The following PLCH1 variants were observed in gnomAD, a reference collection of about 807,000 sequenced individuals.
The protein encoded by PLCH1 is phospholipase C eta 1.
Under a neutral mutation model 126.7 loss-of-function variants are expected in PLCH1, and 60 were observed. The observed-to-expected ratio is 0.47, with a 90% CI of 0.38 to 0.59. The LOEUF (loss-of-function observed/expected upper bound fraction) is 0.59, where lower values mean the gene tolerates loss of function less well. Ranked by LOEUF, PLCH1 falls within the 20% of genes least tolerant of loss-of-function variation. The pLI is 0.00. For synonymous variants in PLCH1, 719 were observed against 734.9 expected (o/e 0.98, Z 0.35); for missense variants, 1,723 against 2,040.0 (o/e 0.84, Z 2.99).
At chr3:155,660,764 C>T (rs1052076273) in intron 2 of PLCH1, among the ~76,000 whole-genome samples, 1 of 151,788 alleles carries the variant, frequency 6.6e-6, no homozygotes, top group Non-Finnish European at 1.5e-5. Context: ...ATCAACATGC[C>T]CCTTTTTTAA....
At chr3:155,504,263 T>C (rs545377012) in intron 13 of PLCH1, among the ~76,000 whole-genome samples, 1 of 152,338 alleles carries the variant, frequency 6.6e-6, no homozygotes, top group Admixed American at 6.5e-5. Flanking sequence ...TAATAACACA[T>C]ACCCATTATG....
At chr3:155,688,267 C>A (rs1486205972) in intron 2 of PLCH1, among the ~76,000 whole-genome samples, 1 of 152,180 alleles carries the variant, frequency 6.6e-6, no homozygotes, top group Non-Finnish European at 1.5e-5. Flanking sequence ...TTTTATGTCA[C>A]AATATTCCAA....
chr3:155,533,605 C>T (rs1722971788), intron 10 of PLCH1, among the ~76,000 whole-genome samples: 1 of 152,174 alleles, frequency 6.6e-6, no homozygotes, highest in South Asian at 2.1e-4. Flanking sequence ...AAGCTAGCTG[C>T]AGAAATTTGC....
At chr3:155,618,801 A>G (rs558252624) in intron 2 of PLCH1, among the ~76,000 whole-genome samples, 1 of 152,220 alleles carries the variant, frequency 6.6e-6, no homozygotes, top group African/African-American at 2.4e-5. Flanking sequence ...GAAGTGCTGA[A>G]CAATTGCTTT....
intron 2 of PLCH1, among the ~76,000 whole-genome samples, chr3:155,637,244 G>A (rs763086562): frequency 6.6e-6 from 1 of 152,132 alleles, no homozygotes; most frequent in Admixed American, 6.6e-5. Context: ...AACTGACTAG[G>A]ATAAATTAAT....
chr3:155,491,640 C>T (rs1332332137), intron 18 of PLCH1, among the ~76,000 whole-genome samples: 1 of 152,078 alleles, frequency 6.6e-6, no homozygotes, highest in East Asian at 1.9e-4. Flanking sequence ...GTTGAGCAAG[C>T]CAGACATAAA....
intron 2 of PLCH1, among the ~76,000 whole-genome samples, chr3:155,613,181 C>A (rs78123680): frequency 0.028 from 4,315 of 152,116 alleles, 201 homozygotes; most frequent in African/African-American, 0.099. Flanking sequence ...AAAAAAATGT[C>A]CAGGACCAGA....
intron 21 of PLCH1, among the ~76,000 whole-genome samples, chr3:155,459,686 T>C (rs962053840): frequency 5.9e-5 from 9 of 151,984 alleles, no homozygotes; most frequent in African/African-American, 1.4e-4. Context: ...GAACCCACAG[T>C]TGGTTGTCCT....
At chr3:155,682,138 A>C (rs1218691538) in intron 2 of PLCH1, among the ~76,000 whole-genome samples, 2 of 152,232 alleles carry the variant, frequency 1.3e-5, no homozygotes, top group Non-Finnish European at 2.9e-5. Flanking sequence ...CTATGGGACA[A>C]ACTGGAAATA....
chr3:155,454,712 T>G (rs1463182472), intron 21 of PLCH1, among the ~76,000 whole-genome samples: 1 of 152,204 alleles, frequency 6.6e-6, no homozygotes, highest in Non-Finnish European at 1.5e-5. Flanking sequence ...TGTCTCAGTC[T>G]TTTTGGTTTC....
At chr3:155,493,799 T>A (rs1278302055) in intron 17 of PLCH1, among the ~76,000 whole-genome samples, 1 of 152,204 alleles carries the variant, frequency 6.6e-6, no homozygotes, top group African/African-American at 2.4e-5. Flanking sequence ...AGACTCACAT[T>A]ACTTAAGATA....
chr3:155,613,503 C>G (rs1387666144), intron 2 of PLCH1, among the ~76,000 whole-genome samples: 1 of 152,144 alleles, frequency 6.6e-6, no homozygotes, highest in East Asian at 1.9e-4. Flanking sequence ...TTAACACACA[C>G]AAGTCAATAA....
intron 2 of PLCH1, among the ~76,000 whole-genome samples, chr3:155,672,407 G>C (rs939024767): frequency 6.6e-5 from 10 of 152,078 alleles, no homozygotes; most frequent in African/African-American, 1.9e-4. Flanking sequence ...CAACATTACA[G>C]GTATCACCTT....
rs1457087426 is a variant in PLCH1 at position 155,494,204 on chromosome 3, G to A, written c.2119C>T (p.Arg707Ter). The A allele has an allele frequency of 6.2e-7, 1 of 1,614,128 alleles. No individual in the cohort carries two copies. The highest frequency in any genetic ancestry group is 8.5e-7 in the Non-Finnish European group (1 of 1,180,004). Residue 707 changes from arginine (R) to a stop codon, truncating the protein, a stop_gained, in exon 17 of 23, where the codon CGA becomes TGA. Transcript: ENST00000460012. LOFTEE classifies it high-confidence loss of function. ...QSEGRMMQLN[R>*]AKFKANGNCG... ...TTGCCATTTGCCTTGAATTTGGCTCGGTTTAACTGCATCATTCGTCCTTCA... is the reference window on the plus strand; with the variant it reads ...TTGCCATTTGCCTTGAATTTGGCTCAGTTTAACTGCATCATTCGTCCTTCA...
intron 2 of PLCH1, among the ~76,000 whole-genome samples, chr3:155,607,118 G>A (rs547026343): frequency 6.6e-6 from 1 of 152,208 alleles, no homozygotes; most frequent in African/African-American, 2.4e-5. Flanking sequence ...TTTGATCTAA[G>A]AGTTGCCCTC....
At chr3:155,600,997 C>T (rs1045586148) in intron 2 of PLCH1, among the ~76,000 whole-genome samples, 5 of 152,186 alleles carry the variant, frequency 3.3e-5, no homozygotes, top group Middle Eastern at 6.8e-3. Flanking sequence ...TTTTTTTAGA[C>T]GGAGTCTCGC....
At chr3:155,689,616 T>TC (rs1745216153) in intron 2 of PLCH1, among the ~76,000 whole-genome samples, 1 of 151,988 alleles carries the variant, frequency 6.6e-6, no homozygotes, top group African/African-American at 2.4e-5. Context: ...GCAGAAATTC[T>TC]AGAGTTGAAA....
rs1714029099 is a variant in PLCH1, at chr3:155,481,431, T to C, written c.4595A>G (p.Asp1532Gly). 1 of 1,614,104 alleles carries C rather than the reference T, an allele frequency of 6.2e-7. No homozygotes were observed. Among genetic ancestry groups the C allele is most frequent in the Admixed American group, 1.7e-5 (1 of 60,012 alleles). Residue 1532 changes from aspartate (D) to glycine (G), a missense_variant, in exon 23 of 23, where the codon GAT becomes GGT. This residue lies in a region of PLCH1 where 947 missense variants were observed against 977.1 expected (regional missense o/e 0.97). Transcript: ENST00000460012. This position sits in a 1 kb window ranked among gnomAD's most constrained non-coding sequence, Gnocchi z 4.2. ...TVKTKSLEPIDALTEQLRKLV... is the reference protein window; with the variant it reads ...TVKTKSLEPIGALTEQLRKLV... ...CTTCCGAAGCTGCTCGGTCAGGGCA[T>C]CTATAGGCTCTAACGACTTTGTCTT... is the stretch of plus-strand genomic sequence containing the variant.
At chr3:155,454,672 G>A (rs1320501367) in intron 21 of PLCH1, among the ~76,000 whole-genome samples, 2 of 152,186 alleles carry the variant, frequency 1.3e-5, no homozygotes, top group Admixed American at 1.3e-4. Context: ...CTTTGCTTTT[G>A]AAAGAGTCCT....
Sources: gnomAD v4.1 joint callset for allele counts (sites outside exome capture counted in the v4.1 genomes callset) on GRCh38, gnomAD v4.1.1 for gene constraint, gnomAD v4.1.1 regional missense constraint, Gnocchi (gnomAD v3.1) non-coding constraint, MANE v1.5 for transcripts, NCBI Gene and HGNC (gene_info 2026-07-23, HGNC 2026-07-21) for gene names.